Variants in SYNE2 observed in about 807,000 individuals in gnomAD.
SYNE2 encodes the protein spectrin repeat containing nuclear envelope protein 2.
A neutral mutation model predicts 856.3 loss-of-function variants in SYNE2; 431 were observed. The observed-to-expected ratio is 0.50, with a 90% CI of 0.47 to 0.55. The LOEUF (loss-of-function observed/expected upper bound fraction) is 0.55, where lower values mean the gene tolerates loss of function less well. Among genes scored for constraint, SYNE2 ranks in the 20% least tolerant of loss-of-function variants. SYNE2 has a pLI of 0.00. For missense variants in SYNE2, 8,129 were observed against 8,023.2 expected (o/e 1.01, Z -0.50); for synonymous variants, 2,923 against 2,872.3 (o/e 1.02, Z -0.56).
chr14:64,022,325 C>A (rs556168740), intron 37 of SYNE2, among the ~76,000 whole-genome samples: 1 of 152,128 alleles, frequency 6.6e-6, no homozygotes. Context: ...GGTGCACAAG[C>A]GGTCCAGGCA....
intron 9 of SYNE2, 42 bp from the exon 10 acceptor site, chr14:63,963,857 C>G: frequency 6.8e-7 from 1 of 1,466,316 alleles, no homozygotes; most frequent in African/African-American, 1.4e-5. Flanking sequence ...AAAAACCAAG[C>G]CCGTTTAAAA....
At chr14:64,219,527 T>C (rs2098684891) in intron 110 of SYNE2, 117 bp downstream of exon 110, 3 of 980,296 alleles carry the variant, frequency 3.1e-6, no homozygotes, top group Non-Finnish European at 4.8e-6. Context: ...AGATGGTGTA[T>C]GTAGAGGTCA....
intron 1 of SYNE2, among the ~76,000 whole-genome samples, chr14:63,839,365 A>C (rs923662974): frequency 2.6e-5 from 4 of 152,090 alleles, no homozygotes; most frequent in African/African-American, 9.7e-5. Flanking sequence ...ACGGGTAAAA[A>C]CGTTACCTCA....
At chr14:63,811,225 A>G (rs1385122297) in intron 1 of SYNE2, among the ~76,000 whole-genome samples, 1 of 151,942 alleles carries the variant, frequency 6.6e-6, no homozygotes, top group African/African-American at 2.4e-5. Context: ...AAAATTGGAA[A>G]CATTAGTTAT....
chr14:64,021,899 T>C lies in SYNE2; in HGVS notation c.5395T>C (p.Leu1799=), dbSNP rs186427714. 3.6e-4 allele frequency: 576 copies of C among 1,613,970 alleles called. 3 individuals are homozygous for C. The African/African-American group carries it at 6.5e-3, about 18-fold the overall frequency. ...QILQQKHSMI[L]LENQIGCLTP... The stretch of plus-strand genomic sequence containing the variant: ...TCTACAGCAAAAACACAGTATGATA[T>C]TACTTGAGAATCAAATAGGTTGTCT... The change falls in exon 37 of 116, where the codon TTA becomes CTA. Residue 1799 remains leucine (L), a synonymous_variant. Coordinates refer to ENST00000555002, the MANE Select transcript of SYNE2 (RefSeq NM_182914.3).
chr14:64,017,013 C>CA lies in SYNE2; in HGVS notation c.4887+391dup, dbSNP rs200365668. ...CTGGGTTTTTAAAAGTACCATTTAA[C>CA]AAAAAAAAATGTGGTTTAGAAATGA... On this transcript the variant is annotated intron_variant, in intron 33 of 115. Coordinates refer to ENST00000555002, the MANE Select transcript of SYNE2 (RefSeq NM_182914.3). 8.0e-3 allele frequency among the ~76,000 whole-genome samples: 1,197 copies of CA among 150,104 alleles called. 15 individuals are homozygous for CA. The highest frequency in any genetic ancestry group is 0.022 in the African/African-American group (885 of 41,026).
intron 11 of SYNE2, among the ~76,000 whole-genome samples, chr14:63,970,287 C>G (rs1436837039): frequency 6.6e-6 from 1 of 152,158 alleles, no homozygotes. Flanking sequence ...CTCCTAGGCT[C>G]AAGCCATCCG....
intron 2 of SYNE2, among the ~76,000 whole-genome samples, chr14:63,921,135 A>C (rs532932201): frequency 1.3e-5 from 2 of 152,002 alleles, no homozygotes; most frequent in Non-Finnish European, 2.9e-5. Context: ...AAATAGAAAA[A>C]ATGATAGATT....
At chr14:63,768,392 C>G (rs959768262) in intron 1 of SYNE2, among the ~76,000 whole-genome samples, 2 of 152,106 alleles carry the variant, frequency 1.3e-5, no homozygotes, top group East Asian at 1.9e-4. Flanking sequence ...GGGTCATTCC[C>G]TTTTTTAGTA....
At chr14:63,833,054 CA>C (rs1889726708) in intron 1 of SYNE2, among the ~76,000 whole-genome samples, 1 of 150,504 alleles carries the variant, frequency 6.6e-6, no homozygotes, top group Non-Finnish European at 1.5e-5. Context: ...AATAATAATG[CA>C]TATATTGGCT....
At chr14:64,220,769 T>TA (rs2098690686) in intron 111 of SYNE2, 132 bp downstream of exon 111, 2 of 1,097,388 alleles carry the variant, frequency 1.8e-6, no homozygotes, top group African/African-American at 3.1e-5. Flanking sequence ...ACATGTGCTT[T>TA]ACCATTTGTT....
At chr14:64,179,930 G>A (rs1235409119) in intron 96 of SYNE2, among the ~76,000 whole-genome samples, 17 of 152,070 alleles carry the variant, frequency 1.1e-4, no homozygotes, top group Non-Finnish European at 2.5e-4. Flanking sequence ...TGTATTTTCC[G>A]CTTCCTTTGC....
intron 25 of SYNE2, 55 bp from the exon 26 acceptor site, chr14:63,998,164 C>T: frequency 8.3e-7 from 1 of 1,210,608 alleles, no homozygotes; most frequent in South Asian, 1.2e-5. Context: ...TTTATCTTTT[C>T]CAGATAAAAA....
At chr14:64,113,702 C>A (rs998528514) in intron 66 of SYNE2, 131 bp downstream of exon 66, 1 of 995,370 alleles carries the variant, frequency 1.0e-6, no homozygotes, top group Non-Finnish European at 1.5e-6. Flanking sequence ...TTGGCCTCAG[C>A]TTTTAGTTCT....
At chr14:63,850,466 C>T (rs1890373575), upstream of SYNE2, among the ~76,000 whole-genome samples, 1 of 151,862 alleles carries the variant, frequency 6.6e-6, no homozygotes, top group Admixed American at 6.6e-5. Context: ...TCATGGCAAC[C>T]CTTACTGTTT....
rs1258067679 is a variant in SYNE2 at position 64,130,086 on chromosome 14, G to T, written c.14178G>T (p.Arg4726Ser). 12 of 1,614,058 alleles carry T rather than the reference G, an allele frequency of 7.4e-6. No individual in the cohort carries two copies. Among genetic ancestry groups the T allele is most frequent in the Non-Finnish European group, 8.5e-6 (10 of 1,180,026 alleles). Residue 4726 changes from arginine (R) to serine (S), a missense_variant, in exon 76 of 116, where the codon AGG becomes AGT. Arg to Ser is a moderately radical substitution (Grantham distance 110). Around this residue, in one of 3 missense-constraint regions of SYNE2, gnomAD observed 5,410 missense variants for 5,284.8 expected, o/e 1.02. Transcript: ENST00000555002. ...LDSMWGMLRARYTELSSPFVT... is the reference protein window; with the variant it reads ...LDSMWGMLRASYTELSSPFVT... The stretch of plus-strand genomic sequence containing the variant: ...GTATGTGGGGAATGCTAAGAGCCAG[G>T]TACACAGAACTCAGCAGCCCTTTCG...
At chr14:63,973,744 C>A (rs2096502086) in intron 11 of SYNE2, among the ~76,000 whole-genome samples, 1 of 151,710 alleles carries the variant, frequency 6.6e-6, no homozygotes, top group Non-Finnish European at 1.5e-5. Flanking sequence ...ACTGTAACAT[C>A]TAATGCTTTC....
chr14:64,098,225 T>C, intron 62 of SYNE2, 79 bp downstream of exon 62: 1 of 1,491,094 alleles, frequency 6.7e-7, no homozygotes, highest in Non-Finnish European at 9.3e-7. Context: ...CTGAACGACC[T>C]GTGGCATCTA....
chr14:64,209,279 G>C, intron 101 of SYNE2, 149 bp from the exon 102 acceptor site: 1 of 1,324,096 alleles, frequency 7.6e-7, no homozygotes, highest in Non-Finnish European at 1.1e-6. Context: ...GGCAGGAGGA[G>C]CACAGACAAG....
Sources: gnomAD v4.1 joint callset for allele counts (sites outside exome capture counted in the v4.1 genomes callset) on GRCh38, gnomAD v4.1.1 for gene constraint, gnomAD v4.1.1 regional missense constraint, MANE v1.5 for transcripts, NCBI Gene and HGNC (gene_info 2026-07-23, HGNC 2026-07-21) for gene names.